The following MROH9 variants were observed in gnomAD, a reference collection of about 807,000 sequenced individuals.
The protein encoded by MROH9 is maestro heat-like repeat-containing protein family member 9.
MROH9 carries 92 observed loss-of-function variants against 98.2 expected under a neutral mutation model. The ratio of observed to expected loss-of-function variants is 0.94; its 90% confidence interval spans 0.79 to 1.11. The LOEUF (loss-of-function observed/expected upper bound fraction) is 1.11. Ranked by LOEUF, MROH9 falls within the 50% of genes most tolerant of loss-of-function variation. The pLI is 0.00. For synonymous variants in MROH9, 397 were observed against 368.9 expected (o/e 1.08, Z -0.87); for missense variants, 1,057 against 1,014.8 (o/e 1.04, Z -0.57).
chr1:171,039,590 G>T (rs73040218), intron 20 of MROH9, among the ~76,000 whole-genome samples: 3 of 152,044 alleles, frequency 2.0e-5, no homozygotes, highest in Admixed American at 2.0e-4. Flanking sequence ...ATATCCTCCC[G>T]CTTAGCTGTG....
At chr1:170,978,990 G>A (rs1650823590) in intron 8 of MROH9, among the ~76,000 whole-genome samples, 1 of 152,202 alleles carries the variant, frequency 6.6e-6, no homozygotes, top group South Asian at 2.1e-4. Context: ...GATTGCTGGA[G>A]ATCCAAGCCA....
At chr1:171,024,834 A>G in intron 19 of MROH9, 69 bp downstream of exon 19, 1 of 922,206 alleles carries the variant, frequency 1.1e-6, no homozygotes, top group Non-Finnish European at 1.7e-6. Flanking sequence ...CCAAAGTGAT[A>G]AAAACTGTAA....
At chr1:171,013,922 C>G (rs1652244294) in intron 15 of MROH9, among the ~76,000 whole-genome samples, 195 bp from the exon 16 acceptor site, 1 of 148,922 alleles carries the variant, frequency 6.7e-6, no homozygotes, top group South Asian at 2.1e-4. Flanking sequence ...CACAGACAGA[C>G]AAAAACGAAA....
Position 171,034,762 on chromosome 1 carries a change from A to T in MROH9, c.2281+9342A>T, listed in dbSNP as rs1571156335. Among the ~76,000 whole-genome samples the T allele has an allele frequency of 2.0e-5, 3 of 152,296 alleles. No individual in the cohort carries two copies. The South Asian group carries it at 6.2e-4, about 32-fold the overall frequency. On this transcript the variant is annotated intron_variant, in intron 20 of 21. Transcript: ENST00000367759. ...AGGCCAAGATACTCCTGAAGGAAAA[A>T]AAATTGGGGCTACTAGTTTCACCAG... is the stretch of plus-strand genomic sequence containing the variant.
intron 3 of MROH9, among the ~76,000 whole-genome samples, chr1:170,952,913 A>C (rs1649611711): frequency 6.6e-6 from 1 of 152,040 alleles, no homozygotes; most frequent in Admixed American, 6.6e-5. Context: ...GTATCAGACA[A>C]ATCTTTACTA....
intron 1 of MROH9, among the ~76,000 whole-genome samples, chr1:170,938,280 T>G (rs1648979852): frequency 6.6e-6 from 1 of 152,174 alleles, no homozygotes. Context: ...CAGCAGAGCA[T>G]AATGCCACAA....
chr1:171,039,069 G>C (rs1653204515), intron 20 of MROH9, among the ~76,000 whole-genome samples: 1 of 152,100 alleles, frequency 6.6e-6, no homozygotes. Context: ...ACCACCAAAT[G>C]CATTCTTCCA....
chr1:170,994,751 C>G lies in MROH9; in HGVS notation c.1195-638C>G, dbSNP rs551681944. On this transcript the variant is annotated intron_variant, in intron 12 of 21. Transcript: ENST00000367759. ...TCCCCACCTCCCCCATCCCACTACC[C>G]TTTCCCAGCCTCTGGTAACCAATAA... Among the ~76,000 whole-genome samples, 10 of 152,192 alleles carry G rather than the reference C, an allele frequency of 6.6e-5. 1 individual carries two copies. In the South Asian group the frequency reaches 2.1e-3, roughly 32 times the overall value.
intron 20 of MROH9, among the ~76,000 whole-genome samples, chr1:171,052,389 G>T (rs1653697784): frequency 6.6e-6 from 1 of 152,166 alleles, no homozygotes; most frequent in Non-Finnish European, 1.5e-5. Flanking sequence ...AGGGGGTAAA[G>T]CACCCAGTGA....
chr1:170,996,417 C>T, intron 13 of MROH9, 90 bp from the exon 14 acceptor site: 1 of 1,443,634 alleles, frequency 6.9e-7, no homozygotes, highest in Non-Finnish European at 9.5e-7. Context: ...CTATATTCTG[C>T]CCAAGATGGG....
chr1:171,008,170 T>C (rs1420434816), intron 15 of MROH9, among the ~76,000 whole-genome samples: 1 of 152,192 alleles, frequency 6.6e-6, no homozygotes, highest in African/African-American at 2.4e-5. Flanking sequence ...ACACTGTTAT[T>C]AGCCATTGTT....
At chr1:171,012,918 T>C (rs1190928159) in intron 15 of MROH9, among the ~76,000 whole-genome samples, 1 of 152,164 alleles carries the variant, frequency 6.6e-6, no homozygotes, top group Non-Finnish European at 1.5e-5. Flanking sequence ...TCTTAAAAAC[T>C]AAACTTCCTC....
At chr1:170,969,473 A>G (rs1650356725) in intron 7 of MROH9, among the ~76,000 whole-genome samples, 1 of 152,240 alleles carries the variant, frequency 6.6e-6, no homozygotes, top group Non-Finnish European at 1.5e-5. Flanking sequence ...ATTAAAAATA[A>G]TATACTATGA....
At chr1:170,993,041 G>T (rs1014389694) in intron 12 of MROH9, among the ~76,000 whole-genome samples, 8 of 151,490 alleles carry the variant, frequency 5.3e-5, no homozygotes, top group African/African-American at 1.9e-4. Flanking sequence ...GTATTTCTAC[G>T]ATGCCAATTA....
Position 171,063,712 on chromosome 1 carries a change from GT to G in MROH9, c.2345-385del, listed in dbSNP as rs1385789875. Among the ~76,000 whole-genome samples the G allele has an allele frequency of 2.6e-5, 4 of 152,228 alleles. No individual in the cohort carries two copies. In the East Asian group the frequency reaches 7.7e-4, roughly 29 times the overall value. ...ATATGTATGTAGCATTTCATTTTAT[GT>G]TCCTAATTTTTAAGCAGTTCCCTGT... On this transcript the variant is annotated intron_variant, in intron 21 of 21. Coordinates refer to ENST00000367759, the MANE Select transcript of MROH9 (RefSeq NM_001163629.2).
chr1:171,001,132 TTTTC>T (rs1404964847), intron 15 of MROH9, among the ~76,000 whole-genome samples: 1 of 152,164 alleles, frequency 6.6e-6, no homozygotes, highest in Non-Finnish European at 1.5e-5. Flanking sequence ...TTCTGTCTTC[TTTTC>T]TTTGTTAATC....
At chr1:171,061,809 G>A (rs1335209990) in intron 20 of MROH9, among the ~76,000 whole-genome samples, 1 of 152,152 alleles carries the variant, frequency 6.6e-6, no homozygotes, top group Admixed American at 6.6e-5. Context: ...ATTCTGAAAG[G>A]TGGAGGAGGA....
chr1:171,043,995 T>TA (rs1297658698), intron 20 of MROH9, among the ~76,000 whole-genome samples: 1 of 152,170 alleles, frequency 6.6e-6, no homozygotes, highest in Admixed American at 6.5e-5. Flanking sequence ...CTAGGACTTC[T>TA]AGTACTACAT....
intron 17 of MROH9, among the ~76,000 whole-genome samples, chr1:171,018,232 C>G (rs1480001644): frequency 1.3e-5 from 2 of 152,044 alleles, no homozygotes; most frequent in South Asian, 2.1e-4. Flanking sequence ...AGTGACATCT[C>G]CAGACATGGG....
Sources: gnomAD v4.1 joint callset for allele counts (sites outside exome capture counted in the v4.1 genomes callset) on GRCh38, gnomAD v4.1.1 for gene constraint, MANE v1.5 for transcripts, NCBI Gene and HGNC (gene_info 2026-07-23, HGNC 2026-07-21) for gene names.